Variants in PECAM1 observed in about 807,000 individuals in gnomAD.
PECAM1 encodes platelet and endothelial cell adhesion molecule 1.
In PECAM1, 8 loss-of-function variants were observed where a neutral mutation model predicts 13.8. The observed-to-expected ratio is 0.58, with a 90% CI of 0.34 to 1.05. The LOEUF is 1.05. Among genes scored for constraint, PECAM1 ranks in the 50% least tolerant of loss-of-function variants. The probability of loss-of-function intolerance (pLI) is 0.03; values close to 1 mark genes in which losing one functional copy is unlikely to be tolerated. For synonymous variants in PECAM1, 136 were observed against 52.6 expected, an observed-to-expected ratio of 2.58 and a Z score of -6.86; for missense variants, 304 against 141.2, an observed-to-expected ratio of 2.15 and a Z score of -5.84.
chr17:64,384,006 T>C (rs12950916), intron 2 of PECAM1, among the ~76,000 whole-genome samples: 80,317 of 151,810 alleles, frequency 0.53, 21,302 homozygotes, highest in South Asian at 0.6. Flanking sequence ...TAGCGGGCAC[T>C]TGTCATCCCA....
chr17:64,383,393 G>A (rs1394699617), intron 2 of PECAM1, among the ~76,000 whole-genome samples: 1 of 152,192 alleles, frequency 6.6e-6, no homozygotes, highest in Non-Finnish European at 1.5e-5. Context: ...CAGTGACTGC[G>A]CCAAAGTGGC....
intron 13 of PECAM1, among the ~76,000 whole-genome samples, chr17:64,343,465 C>G (rs1325431362): frequency 6.6e-6 from 1 of 152,162 alleles, no homozygotes; most frequent in African/African-American, 2.4e-5. Context: ...GACTTGTTCC[C>G]AAGTCCGTCT....
intron 4 of PECAM1, among the ~76,000 whole-genome samples, chr17:64,371,614 G>A (rs926118522): frequency 2.0e-5 from 3 of 152,154 alleles, no homozygotes; most frequent in South Asian, 2.1e-4. Flanking sequence ...GGTGGATCAC[G>A]AGGTCAGGAG....
intron 2 of PECAM1, among the ~76,000 whole-genome samples, chr17:64,382,754 A>G (rs909692563): frequency 2.6e-4 from 39 of 151,986 alleles, no homozygotes; most frequent in South Asian, 4.1e-4. Context: ...ACCATATTTA[A>G]GGCTGGGCGT....
chr17:64,382,970 G>A (rs2036514833), intron 2 of PECAM1, among the ~76,000 whole-genome samples: 1 of 152,094 alleles, frequency 6.6e-6, no homozygotes, highest in Non-Finnish European at 1.5e-5. Context: ...AACCTGGGAG[G>A]TGGATATTGC....
rs2035614499 is a variant in PECAM1 at position 64,347,743 on chromosome 17, T to TA, written c.2107+516_2107+517insT. Reference sequence around the variant, plus strand: ...TATATATTTTATATATATATATATATTTTTTGAGATGGAGTCTCACTCTGT... The same window carrying TA: ...TATATATTTTATATATATATATATATATTTTTGAGATGGAGTCTCACTCTGT... On this transcript the variant is annotated intron_variant, in intron 13 of 15. Coordinates refer to ENST00000563924, the MANE Select transcript of PECAM1 (RefSeq NM_000442.5). Among the ~76,000 whole-genome samples, 715 of 144,590 alleles carry TA rather than the reference T, an allele frequency of 4.9e-3. 9 individuals are homozygous for TA. Among genetic ancestry groups the TA allele is most frequent in the African/African-American group, 0.018 (685 of 38,504 alleles). 94.9% of individuals were successfully genotyped at this position (144,590 alleles called of 152,430 possible). A position where few individuals can be genotyped will look rare whatever the true frequency, so the allele number is the denominator to read the frequency against.
chr17:64,328,022 T>G (rs782697695), intron 15 of PECAM1, among the ~76,000 whole-genome samples: 7 of 152,244 alleles, frequency 4.6e-5, no homozygotes, highest in Non-Finnish European at 8.8e-5. Flanking sequence ...CTGGAAACCC[T>G]GTGCTCCCAT....
At chr17:64,332,026 G>A (rs1213206077) in intron 14 of PECAM1, among the ~76,000 whole-genome samples, 2 of 152,306 alleles carry the variant, frequency 1.3e-5, no homozygotes, top group Non-Finnish European at 2.9e-5. Context: ...GTCACAGCGG[G>A]GGTCACAATC....
chr17:64,380,896 G>A (rs923927370), intron 2 of PECAM1, among the ~76,000 whole-genome samples: 5 of 151,946 alleles, frequency 3.3e-5, no homozygotes, highest in Admixed American at 6.6e-5. Context: ...CTGAGGCAGG[G>A]GAATCACTTG....
At chr17:64,360,041 C>T (rs1171454883) in intron 7 of PECAM1, 99 bp downstream of exon 7, 17 of 474,194 alleles carry the variant, frequency 3.6e-5, no homozygotes, top group African/African-American at 1.4e-4. Context: ...CATGAGCCAC[C>T]GCACCTGGCC....
intron 5 of PECAM1, among the ~76,000 whole-genome samples, chr17:64,363,880 A>T (rs2143823442): frequency 6.6e-6 from 1 of 152,086 alleles, no homozygotes; most frequent in South Asian, 2.1e-4. Context: ...GGAGACAGAG[A>T]TTGCAGTGAG....
chr17:64,374,907 A>G (rs1835991162), intron 4 of PECAM1, 144 bp downstream of exon 4: 2 of 408,418 alleles, frequency 4.9e-6, no homozygotes, highest in Non-Finnish European at 8.8e-6. Context: ...AACAGTCAAA[A>G]AAGCTTGAAA....
At position 64,348,646 on chromosome 17, in the gene PECAM1, C is replaced by G. The variant is rs891667936; in HGVS notation, c.2045-324G>C. On this transcript the variant is annotated intron_variant, in intron 12 of 15. Transcript: ENST00000563924. The stretch of plus-strand genomic sequence containing the variant: ...AGAGACAGGGTTTCACCATATTGGC[C>G]AGGCTGGTTTTGAACTCCTGACCTC... Among the ~76,000 whole-genome samples, 955 of 152,148 alleles carry G rather than the reference C, an allele frequency of 6.3e-3. 8 individuals carry two copies. The highest frequency in any genetic ancestry group is 0.022 in the African/African-American group (916 of 41,502).
rs999368463 is a variant in PECAM1, at chr17:64,352,433, G to A, written c.1947C>T (p.Asn649=). 3.6e-5 allele frequency: 17 copies of A among 475,098 alleles called. No homozygotes were observed. The highest frequency in any genetic ancestry group is 6.0e-4 in the Middle Eastern group (1 of 1,660). The allele number at this position is 475,098 out of a possible 1,614,324, so 29.4% of individuals were successfully genotyped here. A position where few individuals can be genotyped will look rare whatever the true frequency, so the allele number is the denominator to read the frequency against. ...CCATATTGGGATCTGACATTTTCTC[G>A]TTGTTGGAGTTCAGAAGTGGTACTG... ...RPAVPLLNSN[N]EKMSDPNMEA... The change falls in exon 11 of 16, where the codon AAC becomes AAT. Residue 649 remains asparagine, a synonymous_variant. Transcript: ENST00000563924.
chr17:64,381,171 T>C (rs2143892299), intron 2 of PECAM1, among the ~76,000 whole-genome samples: 1 of 152,312 alleles, frequency 6.6e-6, no homozygotes, highest in African/African-American at 2.4e-5. Context: ...TTTCACAAAG[T>C]GTTCCAACAG....
At chr17:64,379,253 T>C (rs1330691539) in intron 2 of PECAM1, among the ~76,000 whole-genome samples, 1 of 152,202 alleles carries the variant, frequency 6.6e-6, no homozygotes, top group Non-Finnish European at 1.5e-5. Context: ...CAGAACAGAA[T>C]TGGCTTATAT....
intron 2 of PECAM1, among the ~76,000 whole-genome samples, chr17:64,383,258 A>C (rs2143900681): frequency 6.6e-6 from 1 of 152,090 alleles, no homozygotes; most frequent in Non-Finnish European, 1.5e-5. Flanking sequence ...ACCAGATTCA[A>C]ACCCGTGATC....
intron 12 of PECAM1, 30 bp from the exon 13 acceptor site, chr17:64,348,352 T>C: frequency 2.1e-6 from 1 of 475,006 alleles, no homozygotes. Context: ...CAGCTTGTTG[T>C]TTAGGTGGAA....
chr17:64,389,594 C>T (rs1377010607), intron 2 of PECAM1, among the ~76,000 whole-genome samples: 1 of 152,084 alleles, frequency 6.6e-6, no homozygotes, highest in Non-Finnish European at 1.5e-5. Flanking sequence ...ATATGTCTAA[C>T]AAATCAATTA....
Sources: allele counts gnomAD v4.1 joint callset (sites outside exome capture counted in the v4.1 genomes callset), GRCh38; gene constraint gnomAD v4.1.1; transcripts MANE v1.5; gene names NCBI Gene and HGNC (gene_info 2026-07-23, HGNC 2026-07-21).